The following CCDC85A variants were observed in gnomAD, a reference collection of about 807,000 sequenced individuals.
CCDC85A encodes coiled-coil domain containing 85A.
Under a neutral mutation model 50.2 loss-of-function variants are expected in CCDC85A, and 38 were observed. That is an observed-to-expected ratio of 0.76 (90% CI 0.58 to 0.99). CCDC85A has a LOEUF of 0.99. Ranked by LOEUF, CCDC85A falls within the 50% of genes least tolerant of loss-of-function variation. The pLI is 0.00. For synonymous variants in CCDC85A, 366 were observed against 301.4 expected, an observed-to-expected ratio of 1.21 and a Z score of -2.22; for missense variants, 820 against 742.0, an observed-to-expected ratio of 1.11 and a Z score of -1.22.
intron 2 of CCDC85A, among the ~76,000 whole-genome samples, chr2:56,214,126 AATAT>A (rs1677297565): frequency 7.2e-6 from 1 of 138,340 alleles, no homozygotes; most frequent in African/African-American, 2.9e-5. Context: ...TAGTATATAT[AATAT>A]GTTAAGAGTA....
chr2:56,214,487 G>A (rs1209999822), intron 2 of CCDC85A, among the ~76,000 whole-genome samples: 1 of 151,920 alleles, frequency 6.6e-6, no homozygotes, highest in Non-Finnish European at 1.5e-5. Flanking sequence ...TCTAGTGAGT[G>A]ATTTTGCAGT....
chr2:56,236,000 G>T (rs532866718), intron 2 of CCDC85A, among the ~76,000 whole-genome samples: 2 of 152,194 alleles, frequency 1.3e-5, no homozygotes, highest in South Asian at 2.1e-4. Flanking sequence ...CAAAGGAAAA[G>T]AAATACAAAG....
intron 2 of CCDC85A, among the ~76,000 whole-genome samples, chr2:56,203,382 A>G (rs1473796122): frequency 1.3e-5 from 2 of 149,120 alleles, no homozygotes; most frequent in Admixed American, 1.3e-4. Flanking sequence ...TTTTTTCTGT[A>G]TCTCTTTAGC....
intron 2 of CCDC85A, among the ~76,000 whole-genome samples, chr2:56,262,964 C>T (rs1369762725): frequency 6.6e-6 from 1 of 152,038 alleles, no homozygotes; most frequent in African/African-American, 2.4e-5. Flanking sequence ...AGAGGTGCCA[C>T]AGAGAACATT....
At chr2:56,365,672 A>G (rs1362647806) in intron 3 of CCDC85A, among the ~76,000 whole-genome samples, 5 of 152,250 alleles carry the variant, frequency 3.3e-5, no homozygotes, top group African/African-American at 4.8e-5. Context: ...TTTACTGTGT[A>G]CAACATGATG....
At chr2:56,206,322 G>T (rs1676957365) in intron 2 of CCDC85A, among the ~76,000 whole-genome samples, 1 of 152,156 alleles carries the variant, frequency 6.6e-6, no homozygotes, top group African/African-American at 2.4e-5. Flanking sequence ...ACTCCAAGTT[G>T]AATAGTTTGT....
intron 2 of CCDC85A, among the ~76,000 whole-genome samples, chr2:56,238,255 A>C (rs986219761): frequency 1.3e-5 from 2 of 152,102 alleles, no homozygotes; most frequent in Admixed American, 6.5e-5. Flanking sequence ...GTCTCTACTA[A>C]AAATACAAAA....
intron 2 of CCDC85A, among the ~76,000 whole-genome samples, chr2:56,277,185 G>A (rs1191113341): frequency 1.3e-5 from 2 of 152,092 alleles, no homozygotes; most frequent in African/African-American, 4.8e-5. Flanking sequence ...CTTCCTTGAT[G>A]GGAAGTTTCT....
intron 2 of CCDC85A, among the ~76,000 whole-genome samples, chr2:56,332,320 A>G (rs1056897159): frequency 2.6e-5 from 4 of 152,108 alleles, no homozygotes; most frequent in African/African-American, 9.7e-5. Context: ...AGGTTGGGTA[A>G]TTTATAAACA....
Position 56,184,080 on chromosome 2 carries a change from G to T in CCDC85A, c.-545G>T, listed in dbSNP as rs1675878617. On this transcript the variant is annotated 5_prime_UTR_variant, in exon 1 of 6. Coordinates refer to ENST00000407595, the MANE Select transcript of CCDC85A (RefSeq NM_001080433.2). ...CGAAGGCGGCAGGAGGAGCGCAGCA[G>T]CCTTCGGGCAGCCGCGGCGGCGTCG... The T allele has an allele frequency of 2.0e-6, 2 of 985,324 alleles. No individual in the cohort carries two copies. The highest frequency in any genetic ancestry group is 3.5e-5 in the African/African-American group (2 of 57,222). The allele number at this position is 985,324 out of a possible 1,614,324, so 61.0% of individuals were successfully genotyped here. A position where few individuals can be genotyped will look rare whatever the true frequency, so the allele number is the denominator to read the frequency against.
At chr2:56,263,540 G>A (rs1351478233) in intron 2 of CCDC85A, among the ~76,000 whole-genome samples, 1 of 152,130 alleles carries the variant, frequency 6.6e-6, no homozygotes, top group East Asian at 1.9e-4. Context: ...TTGCACTCTA[G>A]CTGTATATTG....
intron 2 of CCDC85A, among the ~76,000 whole-genome samples, chr2:56,307,620 C>G (rs1183700019): frequency 6.6e-6 from 1 of 152,110 alleles, no homozygotes; most frequent in Admixed American, 6.6e-5. Flanking sequence ...TTGGTTATTT[C>G]TTATCCTTAT....
chr2:56,199,720 A>C (rs1233236965), intron 2 of CCDC85A, among the ~76,000 whole-genome samples: 1 of 152,194 alleles, frequency 6.6e-6, no homozygotes, highest in Non-Finnish European at 1.5e-5. Flanking sequence ...ATGGCTGGTC[A>C]TAGCTTGGGA....
chr2:56,238,601 T>C (rs1394866151), intron 2 of CCDC85A, among the ~76,000 whole-genome samples: 2 of 152,168 alleles, frequency 1.3e-5, no homozygotes, highest in African/African-American at 4.8e-5. Flanking sequence ...AAAACCATCT[T>C]GAAAGTTATT....
At chr2:56,260,290 A>T (rs1029249323) in intron 2 of CCDC85A, among the ~76,000 whole-genome samples, 1 of 152,170 alleles carries the variant, frequency 6.6e-6, no homozygotes, top group East Asian at 1.9e-4. Flanking sequence ...GATTTTGTTG[A>T]GCTTGGTTTT....
chr2:56,244,892 A>C (rs1669430542), intron 2 of CCDC85A, among the ~76,000 whole-genome samples: 1 of 151,984 alleles, frequency 6.6e-6, no homozygotes, highest in South Asian at 2.1e-4. Flanking sequence ...TGGGGGCCTC[A>C]CAACTCTGCC....
intron 2 of CCDC85A, among the ~76,000 whole-genome samples, chr2:56,307,213 G>T (rs1056031319): frequency 2.0e-5 from 3 of 152,052 alleles, no homozygotes; most frequent in Non-Finnish European, 4.4e-5. Flanking sequence ...GCACGATACA[G>T]TCTTATCAGT....
At chr2:56,185,049 C>T (rs1186538338) in intron 1 of CCDC85A, 149 bp downstream of exon 1, 3 of 987,920 alleles carry the variant, frequency 3.0e-6, no homozygotes, top group Non-Finnish European at 4.2e-6. Context: ...GTCCCCAGCC[C>T]CTGTGTAACT....
At chr2:56,256,084 G>T (rs113747213) in intron 2 of CCDC85A, among the ~76,000 whole-genome samples, 2 of 152,132 alleles carry the variant, frequency 1.3e-5, no homozygotes, top group African/African-American at 2.4e-5. Flanking sequence ...ACAATAAATT[G>T]CATGGCAGGA....
Sources: allele counts gnomAD v4.1 joint callset (sites outside exome capture counted in the v4.1 genomes callset), GRCh38; gene constraint gnomAD v4.1.1; transcripts MANE v1.5; gene names NCBI Gene and HGNC (gene_info 2026-07-23, HGNC 2026-07-21).